C13orf42: variants seen among roughly 807,000 people sequenced by gnomAD.
The protein encoded by C13orf42 is chromosome 13 open reading frame 42.
intron 1 of C13orf42, among the ~76,000 whole-genome samples, chr13:51,131,265 A>C (rs1953614502): frequency 6.6e-6 from 1 of 152,212 alleles, no homozygotes; most frequent in South Asian, 2.1e-4. Flanking sequence ...GAGTATCTTA[A>C]GGCAACATAG....
intron 1 of C13orf42, among the ~76,000 whole-genome samples, chr13:51,094,549 T>A (rs1453969705): frequency 2.0e-5 from 3 of 152,232 alleles, no homozygotes; most frequent in Non-Finnish European, 4.4e-5. Flanking sequence ...AACCCACAAA[T>A]TGTATTTTTA....
intron 1 of C13orf42, among the ~76,000 whole-genome samples, chr13:51,152,020 C>T (rs1953781568): frequency 6.6e-6 from 1 of 152,186 alleles, no homozygotes; most frequent in Non-Finnish European, 1.5e-5. Context: ...AGAGAATCTT[C>T]ATTCTAACAA....
intron 2 of C13orf42, among the ~76,000 whole-genome samples, chr13:51,087,221 C>G (rs1953137829): frequency 6.6e-6 from 1 of 152,188 alleles, no homozygotes; most frequent in Non-Finnish European, 1.5e-5. Flanking sequence ...TGCCCAAGGA[C>G]ACGCCTTGGT....
intron 1 of C13orf42, among the ~76,000 whole-genome samples, chr13:51,146,376 C>T (rs1368351482): frequency 2.0e-5 from 3 of 152,184 alleles, no homozygotes; most frequent in Non-Finnish European, 4.4e-5. Context: ...GTTGTGTCCC[C>T]TGAAATGCAA....
chr13:51,147,017 G>A (rs1049869004), intron 1 of C13orf42, among the ~76,000 whole-genome samples: 2 of 152,198 alleles, frequency 1.3e-5, no homozygotes, highest in African/African-American at 4.8e-5. Flanking sequence ...TCAACCTCAG[G>A]ATTGCCTACC....
At chr13:51,135,884 A>C (rs1176944545) in intron 1 of C13orf42, among the ~76,000 whole-genome samples, 1 of 152,184 alleles carries the variant, frequency 6.6e-6, no homozygotes, top group Admixed American at 6.5e-5. Flanking sequence ...CTAACCAAAA[A>C]AATAGAAACA....
chr13:51,132,855 C>G (rs1953628133), intron 1 of C13orf42, among the ~76,000 whole-genome samples: 1 of 152,100 alleles, frequency 6.6e-6, no homozygotes, highest in Non-Finnish European at 1.5e-5. Flanking sequence ...TCATAAAGAC[C>G]TTGCTGATAA....
At chr13:51,108,688 G>C (rs529557727) in intron 1 of C13orf42, among the ~76,000 whole-genome samples, 2 of 152,202 alleles carry the variant, frequency 1.3e-5, no homozygotes, top group Non-Finnish European at 2.9e-5. Context: ...ATTACTACCT[G>C]ACAGAAAAAC....
Position 51,083,344 on chromosome 13 carries a change from T to G in C13orf42, c.*807A>C, listed in dbSNP as rs1216403535. On this transcript the variant is annotated 3_prime_UTR_variant, in exon 4 of 4. Transcript: ENST00000563710. ...CAAAAGAACGTAATGATTCTGATTG[T>G]TCTCTTAACTGGGGAAAGGGAAAGG... 6.6e-6 allele frequency: 1 copy of G among 152,262 alleles called. No individual in the cohort carries two copies. Among genetic ancestry groups the G allele is most frequent in the Non-Finnish European group, 1.5e-5 (1 of 68,048 alleles). The allele number at this position is 152,262 out of a possible 1,614,324, so 9.4% of individuals were successfully genotyped here.
chr13:51,098,851 T>A (rs1953260307), intron 1 of C13orf42, among the ~76,000 whole-genome samples: 1 of 151,862 alleles, frequency 6.6e-6, no homozygotes, highest in Non-Finnish European at 1.5e-5. Context: ...GGGACTTAAT[T>A]TGGCAAATTT....
intron 1 of C13orf42, among the ~76,000 whole-genome samples, chr13:51,107,631 T>C (rs1171974330): frequency 6.6e-6 from 1 of 152,128 alleles, no homozygotes; most frequent in African/African-American, 2.4e-5. Flanking sequence ...CACTGCTCCC[T>C]CCCTATATGG....
upstream of C13orf42, among the ~76,000 whole-genome samples, chr13:51,114,902 G>A (rs541732289): frequency 6.6e-6 from 1 of 152,290 alleles, no homozygotes; most frequent in East Asian, 1.9e-4. Flanking sequence ...CAAAAAAGGA[G>A]GGAGATGGAT....
At chr13:51,135,947 G>A (rs970106399) in intron 1 of C13orf42, among the ~76,000 whole-genome samples, 28 of 152,186 alleles carry the variant, frequency 1.8e-4, no homozygotes, top group African/African-American at 4.8e-4. Flanking sequence ...TCACACAGGC[G>A]ACAGAAGAGT....
intron 1 of C13orf42, among the ~76,000 whole-genome samples, chr13:51,101,732 T>C (rs949487640): frequency 6.6e-6 from 1 of 152,228 alleles, no homozygotes; most frequent in African/African-American, 2.4e-5. Context: ...GTGGCATAGA[T>C]AAGCAAAAGA....
intron 1 of C13orf42, among the ~76,000 whole-genome samples, chr13:51,117,078 T>C (rs1344893646): frequency 6.6e-6 from 1 of 152,216 alleles, no homozygotes; most frequent in Non-Finnish European, 1.5e-5. Flanking sequence ...GAATGGCTCA[T>C]TGGGGCCACA....
chr13:51,106,605 A>T lies in C13orf42; in HGVS notation c.414+4191T>A, dbSNP rs937199741. 6.6e-5 allele frequency among the ~76,000 whole-genome samples: 10 copies of T among 152,284 alleles called. No homozygotes were observed. In the East Asian group the frequency reaches 1.9e-3, roughly 29 times the overall value. On this transcript the variant is annotated intron_variant, in intron 1 of 3. Transcript: ENST00000563710. ...CTTTATAGAATGAGGCTAATAGCCA[A>T]CAGGTCAGGTTTGGAGGGTGATTAG...
At chr13:51,117,396 T>C (rs1953499997) in intron 1 of C13orf42, among the ~76,000 whole-genome samples, 1 of 152,260 alleles carries the variant, frequency 6.6e-6, no homozygotes. Context: ...ATATAATACC[T>C]TGGAAAGACA....
chr13:51,106,039 T>C (rs1433111000), intron 1 of C13orf42, among the ~76,000 whole-genome samples: 1 of 152,218 alleles, frequency 6.6e-6, no homozygotes, highest in Non-Finnish European at 1.5e-5. Flanking sequence ...TTGCACTGTT[T>C]CCTCAGTTCT....
At chr13:51,136,747 G>A (rs1178978925) in intron 1 of C13orf42, among the ~76,000 whole-genome samples, 1 of 152,210 alleles carries the variant, frequency 6.6e-6, no homozygotes, top group East Asian at 1.9e-4. Flanking sequence ...AGGGTAACCC[G>A]CCCAGGGCCA....
Sources: gnomAD v4.1 joint callset for allele counts (sites outside exome capture counted in the v4.1 genomes callset) on GRCh38, gnomAD v4.1.1 for gene constraint, MANE v1.5 for transcripts, NCBI Gene and HGNC (gene_info 2026-07-23, HGNC 2026-07-21) for gene names.